Variants in ANKIB1 observed in about 807,000 individuals in gnomAD.
ANKIB1 encodes ankyrin repeat and IBR domain-containing protein 1.
Under a neutral mutation model 122.1 loss-of-function variants are expected in ANKIB1, and 43 were observed. The observed-to-expected ratio is 0.35, with a 90% CI of 0.28 to 0.45. ANKIB1 has a LOEUF of 0.45. ANKIB1 is among the 20% of genes least tolerant of loss of function. The pLI, the probability that ANKIB1 is intolerant of heterozygous loss-of-function variation, is 1.00. For missense variants in ANKIB1, 992 were observed against 1,329.5 expected (o/e 0.75, Z 3.95); for synonymous variants, 390 against 442.0 (o/e 0.88, Z 1.48).
At chr7:92,263,677 A>G (rs550688840) in intron 1 of ANKIB1, among the ~76,000 whole-genome samples, 2 of 152,306 alleles carry the variant, frequency 1.3e-5, no homozygotes, top group South Asian at 4.1e-4. Flanking sequence ...AAGTTGCTGA[A>G]ACACCGAAGT....
At chr7:92,333,810 A>C (rs1226511109) in intron 5 of ANKIB1, among the ~76,000 whole-genome samples, 1 of 152,200 alleles carries the variant, frequency 6.6e-6, no homozygotes, top group Admixed American at 6.5e-5. Flanking sequence ...AAAATGTAGC[A>C]TATTTAATGT....
At chr7:92,310,925 C>G (rs1176733610) in intron 3 of ANKIB1, among the ~76,000 whole-genome samples, 2 of 152,116 alleles carry the variant, frequency 1.3e-5, no homozygotes, top group Non-Finnish European at 2.9e-5. Flanking sequence ...AATATGTGAC[C>G]TGTTTAACTG....
At chr7:92,298,073 CT>C (rs1781972416) in intron 2 of ANKIB1, among the ~76,000 whole-genome samples, 1 of 152,060 alleles carries the variant, frequency 6.6e-6, no homozygotes, top group African/African-American at 2.4e-5. Context: ...TCTTTCTGTT[CT>C]CTGAAATTCC....
At chr7:92,346,641 G>A (rs1803546684) in intron 7 of ANKIB1, among the ~76,000 whole-genome samples, 1 of 152,162 alleles carries the variant, frequency 6.6e-6, no homozygotes, top group Admixed American at 6.5e-5. Flanking sequence ...ACGCAGTTGT[G>A]GAGGCAGAAA....
intron 4 of ANKIB1, among the ~76,000 whole-genome samples, chr7:92,327,561 T>C (rs1468752853): frequency 6.6e-6 from 1 of 152,212 alleles, no homozygotes; most frequent in East Asian, 1.9e-4. Context: ...TTAGTTGTTA[T>C]ACTGTGTTAT....
At chr7:92,309,785 C>T (rs902913663) in intron 3 of ANKIB1, among the ~76,000 whole-genome samples, 7 of 150,764 alleles carry the variant, frequency 4.6e-5, no homozygotes, top group Admixed American at 1.3e-4. Context: ...ATTAGCCAGG[C>T]GTGGTGGCAG....
rs1801600442 is a variant in ANKIB1, at chr7:92,263,195, A to G, written c.-91+16676A>G. Reference sequence around the variant, plus strand: ...TAGGTTTTTACACATGTATTCTTCAAGCTTTATTATTAAATATGTTCATTT... The same window carrying G: ...TAGGTTTTTACACATGTATTCTTCAGGCTTTATTATTAAATATGTTCATTT... On this transcript the variant is annotated intron_variant, in intron 1 of 19. Transcript: ENST00000265742. Among the ~76,000 whole-genome samples the G allele has an allele frequency of 2.6e-5, 4 of 152,304 alleles. 1 individual carries two copies. In the South Asian group the frequency reaches 8.3e-4, roughly 32 times the overall value.
intron 5 of ANKIB1, among the ~76,000 whole-genome samples, chr7:92,331,393 G>A (rs1803171095): frequency 6.6e-6 from 1 of 151,158 alleles, no homozygotes; most frequent in Non-Finnish European, 1.5e-5. Flanking sequence ...TCAGCCTCCC[G>A]AGTAGCTGGG....
Position 92,377,197 on chromosome 7 carries a change from T to C in ANKIB1, c.1617+5590T>C, listed in dbSNP as rs368351049. Among the ~76,000 whole-genome samples the C allele has an allele frequency of 3.2e-4, 48 of 152,206 alleles. 1 individual carries two copies. Among genetic ancestry groups the C allele is most frequent in the African/African-American group, 9.9e-4 (41 of 41,526 alleles). ...TTCCTTTCACTTGAACACTTAGAGGTCCTTATAGGGTTCTTAATTGAACTA... is the reference window on the plus strand; with the variant it reads ...TTCCTTTCACTTGAACACTTAGAGGCCCTTATAGGGTTCTTAATTGAACTA... On this transcript the variant is annotated intron_variant, in intron 11 of 19. Coordinates refer to ENST00000265742, the MANE Select transcript of ANKIB1 (RefSeq NM_019004.2).
At chr7:92,388,618 A>G (rs570114683) in intron 14 of ANKIB1, among the ~76,000 whole-genome samples, 2 of 152,334 alleles carry the variant, frequency 1.3e-5, no homozygotes, top group Admixed American at 1.3e-4. Flanking sequence ...TCATTAGAAT[A>G]TAATAACCCA....
intron 1 of ANKIB1, among the ~76,000 whole-genome samples, chr7:92,273,150 A>G (rs1251326808): frequency 2.0e-5 from 3 of 152,240 alleles, no homozygotes; most frequent in Non-Finnish European, 4.4e-5. Context: ...AAGTCAAGAA[A>G]GACAATTTAT....
chr7:92,278,322 C>T (rs1163965862), intron 1 of ANKIB1, among the ~76,000 whole-genome samples: 8 of 152,082 alleles, frequency 5.3e-5, no homozygotes, highest in Non-Finnish European at 1.0e-4. Context: ...GGGCCAGCCT[C>T]TGCTGTCTCG....
At chr7:92,296,797 TATC>T (rs1365640285) in intron 2 of ANKIB1, among the ~76,000 whole-genome samples, 1 of 152,176 alleles carries the variant, frequency 6.6e-6, no homozygotes, top group Non-Finnish European at 1.5e-5. Context: ...ATATTTTTAT[TATC>T]AGAATTTATG....
intron 3 of ANKIB1, among the ~76,000 whole-genome samples, chr7:92,313,804 T>C (rs184922034): frequency 1.2e-4 from 18 of 152,162 alleles, no homozygotes; most frequent in African/African-American, 4.3e-4. Flanking sequence ...TCCAGAAATG[T>C]TTAGCAAGTT....
chr7:92,314,958 A>G (rs1802763994), intron 3 of ANKIB1, among the ~76,000 whole-genome samples: 1 of 152,152 alleles, frequency 6.6e-6, no homozygotes, highest in South Asian at 2.1e-4. Flanking sequence ...GACATTGTGA[A>G]GAACTGTTAG....
intron 1 of ANKIB1, among the ~76,000 whole-genome samples, chr7:92,280,459 C>A (rs1033935209): frequency 1.3e-5 from 2 of 151,090 alleles, no homozygotes; most frequent in Non-Finnish European, 3.0e-5. Flanking sequence ...CACCCCCCCC[C>A]CCTTTTTTTC....
intron 11 of ANKIB1, 146 bp from the exon 12 acceptor site, chr7:92,386,363 T>G: frequency 1.2e-4 from 97 of 822,372 alleles, no homozygotes; most frequent in Non-Finnish European, 1.6e-4. Context: ...AGAGGACACA[T>G]GAGAAATAGG....
intron 10 of ANKIB1, among the ~76,000 whole-genome samples, chr7:92,365,788 CTTTTT>C (rs59131137): frequency 1.7e-5 from 1 of 58,324 alleles, no homozygotes; most frequent in South Asian, 8.8e-4. Context: ...ATTAAATAAT[CTTTTT>C]TTTTTTTTTT....
chr7:92,370,182 G>A (rs1377129353), intron 10 of ANKIB1, among the ~76,000 whole-genome samples: 1 of 152,048 alleles, frequency 6.6e-6, no homozygotes, highest in African/African-American at 2.4e-5. Flanking sequence ...TGTGGGATGG[G>A]TGGCTGGCAG....
Sources: gnomAD v4.1 joint callset for allele counts (sites outside exome capture counted in the v4.1 genomes callset) on GRCh38, gnomAD v4.1.1 for gene constraint, MANE v1.5 for transcripts, NCBI Gene and HGNC (gene_info 2026-07-23, HGNC 2026-07-21) for gene names.